Variants in SIPA1L3 observed in about 807,000 individuals in gnomAD.
SIPA1L3 encodes signal induced proliferation associated 1 like 3, also known as signal-induced proliferation-associated 1-like protein 3.
Under a neutral mutation model 150.1 loss-of-function variants are expected in SIPA1L3, and 59 were observed. That is an observed-to-expected ratio of 0.39 (90% confidence interval 0.32 to 0.49). The LOEUF (loss-of-function observed/expected upper bound fraction) is 0.49, where lower values mean the gene tolerates loss of function less well. SIPA1L3 is among the 20% of genes least tolerant of loss of function. SIPA1L3 has a pLI of 0.86. For missense variants in SIPA1L3, 2,211 were observed against 2,489.5 expected, an observed-to-expected ratio of 0.89 and a Z score of 2.38; for synonymous variants, 1,070 against 1,077.6, an observed-to-expected ratio of 0.99 and a Z score of 0.14.
At chr19:38,198,023 C>G (rs571948848) in intron 18 of SIPA1L3, among the ~76,000 whole-genome samples, 1 of 152,330 alleles carries the variant, frequency 6.6e-6, no homozygotes, top group African/African-American at 2.4e-5. Flanking sequence ...TGCTTCCTCC[C>G]TTGCTCACCC....
At position 38,046,633 on chromosome 19, in the gene SIPA1L3, C is replaced by T. The variant is rs1281519264; in HGVS notation, c.-311+17477C>T. Among the ~76,000 whole-genome samples, 2 of 152,166 alleles carry T rather than the reference C, an allele frequency of 1.3e-5. No individual in the cohort carries two copies. The highest frequency in any genetic ancestry group is 2.9e-5 in the Non-Finnish European group (2 of 68,028). Reference sequence around the variant, plus strand: ...TGTGCCACAACCCCCCAGCAAGAGCCCACATGAATCCGCCATCTCGCCCGC... The same window carrying T: ...TGTGCCACAACCCCCCAGCAAGAGCTCACATGAATCCGCCATCTCGCCCGC... On this transcript the variant is annotated intron_variant, in intron 2 of 21. Coordinates refer to ENST00000222345, the MANE Select transcript of SIPA1L3 (RefSeq NM_015073.3). This position sits in a 1 kb window ranked among gnomAD's most constrained non-coding sequence, Gnocchi z 5.6.
chr19:38,178,596 C>T (rs1972495583), intron 15 of SIPA1L3, among the ~76,000 whole-genome samples: 1 of 152,184 alleles, frequency 6.6e-6, no homozygotes, highest in Non-Finnish European at 1.5e-5. Flanking sequence ...CTGCTTCAGC[C>T]TCCCGAGTAG....
At chr19:37,970,352 A>G (rs1256737264) in intron 1 of SIPA1L3, among the ~76,000 whole-genome samples, 2 of 152,232 alleles carry the variant, frequency 1.3e-5, no homozygotes, top group Non-Finnish European at 2.9e-5. Flanking sequence ...TAAGTGGAGT[A>G]CTACGATTAA....
intron 15 of SIPA1L3, among the ~76,000 whole-genome samples, chr19:38,170,856 C>G (rs924946319): frequency 6.6e-6 from 1 of 151,124 alleles, no homozygotes; most frequent in East Asian, 1.9e-4. Context: ...GAGGAGGGAG[C>G]GGGTGAAGGA....
chr19:38,182,429 T>C, intron 15 of SIPA1L3, 90 bp from the exon 16 acceptor site: 1 of 991,200 alleles, frequency 1.0e-6, no homozygotes, highest in Non-Finnish European at 1.5e-6. Context: ...ATGAACTTTT[T>C]TGATTCCCAA....
In SIPA1L3 at chr19:37,975,397, A is replaced by G. The variant is rs113881089; in HGVS notation, c.-378-53692A>G. On this transcript the variant is annotated intron_variant, in intron 1 of 21. Transcript: ENST00000222345. ...CTTCCAGGGGGAACTGGAAAGCCCT[A>G]GACACATCACCCCAGTCCTCACTCC... Among the ~76,000 whole-genome samples, 694 of 152,220 alleles carry G rather than the reference A, an allele frequency of 4.6e-3. 6 individuals carry two copies. The highest frequency in any genetic ancestry group is 0.016 in the African/African-American group (672 of 41,522).
rs113426227 is a variant in SIPA1L3 at position 38,201,382 on chromosome 19, G to T, written c.4985-480G>T. Among the ~76,000 whole-genome samples, 1,127 of 152,336 alleles carry T rather than the reference G, an allele frequency of 7.4e-3. 10 individuals are homozygous for T. Among genetic ancestry groups the T allele is most frequent in the African/African-American group, 0.026 (1,081 of 41,568 alleles). The stretch of plus-strand genomic sequence containing the variant: ...TTTCTGTCTTCAATATGCATGATGT[G>T]ATCTGTCTCACTTCTCTTTTTGCTT... On this transcript the variant is annotated intron_variant, in intron 19 of 21. Coordinates refer to ENST00000222345, the MANE Select transcript of SIPA1L3 (RefSeq NM_015073.3).
intron 1 of SIPA1L3, among the ~76,000 whole-genome samples, chr19:38,022,828 A>G (rs1248051062): frequency 6.6e-6 from 1 of 152,270 alleles, no homozygotes; most frequent in African/African-American, 2.4e-5. Context: ...GCACAGCCGC[A>G]CATGGGTCTG....
Position 38,193,066 on chromosome 19 carries a change from G to T in SIPA1L3, c.4597-471G>T, listed in dbSNP as rs1972839008. 3.3e-5 allele frequency among the ~76,000 whole-genome samples: 5 copies of T among 152,244 alleles called. No homozygotes were observed. In the South Asian group the frequency reaches 1.0e-3, roughly 32 times the overall value. On this transcript the variant is annotated intron_variant, in intron 17 of 21. Coordinates refer to ENST00000222345, the MANE Select transcript of SIPA1L3 (RefSeq NM_015073.3). ...GATCAGAAAGGAGGCAGAAGGCCAG[G>T]GGTGGTGGCTCACACCTGTAATCCC...
chr19:37,963,855 A>G (rs1290467675), intron 1 of SIPA1L3: 1 of 152,190 alleles, frequency 6.6e-6, no homozygotes, highest in East Asian at 1.9e-4. Flanking sequence ...AGTCTTTCCA[A>G]ATTTCCAAAC....
intron 1 of SIPA1L3, among the ~76,000 whole-genome samples, chr19:37,938,617 CTTTTTTCTTTTTTTTTT>C (rs2046622990): frequency 1.4e-5 from 2 of 144,790 alleles, no homozygotes; most frequent in Non-Finnish European, 3.0e-5. Flanking sequence ...TTCTTTTTTT[CTTTTTTCTTTTTTTTTT>C]TTTTTTTAGG....
At chr19:38,200,152 AGCC>A (rs1600208453) in intron 19 of SIPA1L3, 1 of 152,192 alleles carries the variant, frequency 6.6e-6, no homozygotes, top group African/African-American at 2.4e-5. Flanking sequence ...GGCTCACTGC[AGCC>A]TCCACCTCTC....
chr19:38,122,685 C>G (rs989548929), intron 9 of SIPA1L3, among the ~76,000 whole-genome samples: 3 of 152,218 alleles, frequency 2.0e-5, no homozygotes, highest in African/African-American at 7.2e-5. Flanking sequence ...GTCGACTTCT[C>G]TGACCTCATG....
At chr19:38,068,850 T>C (rs34943246) in intron 2 of SIPA1L3, among the ~76,000 whole-genome samples, 13,964 of 152,070 alleles carry the variant, frequency 0.092, 850 homozygotes, top group Non-Finnish European at 0.14. Flanking sequence ...AAAGACCCTG[T>C]CTCAAAAAAG....
At chr19:38,109,427 G>A (rs1052905950) in intron 7 of SIPA1L3, 8 of 152,178 alleles carry the variant, frequency 5.3e-5, no homozygotes, top group African/African-American at 1.7e-4. Context: ...GGGAATTATG[G>A]GAGCTGCAAT....
chr19:38,141,492 C>G (rs1489644061), intron 11 of SIPA1L3, 57 bp downstream of exon 11: 12 of 1,526,468 alleles, frequency 7.9e-6, no homozygotes, highest in Non-Finnish European at 9.7e-6. Flanking sequence ...CACACCCATC[C>G]TCCGCCCCTC....
At chr19:38,048,324 G>A (rs756908697) in intron 2 of SIPA1L3, among the ~76,000 whole-genome samples, 1 of 152,250 alleles carries the variant, frequency 6.6e-6, no homozygotes, top group Non-Finnish European at 1.5e-5. Flanking sequence ...TGTCTGTCAG[G>A]GACTCAGGTT....
intron 12 of SIPA1L3, among the ~76,000 whole-genome samples, chr19:38,148,741 C>T (rs1248772794): frequency 3.3e-5 from 5 of 152,196 alleles, no homozygotes; most frequent in African/African-American, 1.2e-4. Context: ...CGTAGCCCAA[C>T]CCTGCTCCCC....
At chr19:38,023,321 G>T (rs192725212) in intron 1 of SIPA1L3, among the ~76,000 whole-genome samples, 1 of 152,196 alleles carries the variant, frequency 6.6e-6, no homozygotes. Flanking sequence ...AACCTTAGTC[G>T]TGTTTGTAGA....
Sources: gnomAD v4.1 joint callset for allele counts (sites outside exome capture counted in the v4.1 genomes callset) on GRCh38, gnomAD v4.1.1 for gene constraint, Gnocchi (gnomAD v3.1) non-coding constraint, MANE v1.5 for transcripts, NCBI Gene and HGNC (gene_info 2026-07-23, HGNC 2026-07-21) for gene names.